The following MACROD1 variants were observed in gnomAD, a reference collection of about 807,000 sequenced individuals.
MACROD1 encodes mono-ADP ribosylhydrolase 1.
A neutral mutation model predicts 41.4 loss-of-function variants in MACROD1; 31 were observed. That is an observed-to-expected ratio of 0.75 (90% confidence interval 0.56 to 1.01). The LOEUF (loss-of-function observed/expected upper bound fraction) is 1.01, where lower values mean the gene tolerates loss of function less well. MACROD1 is among the 50% of genes least tolerant of loss of function. MACROD1 has a pLI of 0.00. For synonymous variants in MACROD1, 252 were observed against 203.4 expected, an observed-to-expected ratio of 1.24 and a Z score of -2.03; for missense variants, 473 against 460.0, an observed-to-expected ratio of 1.03 and a Z score of -0.26.
chr11:64,109,826 C>T (rs1944828190), intron 3 of MACROD1, among the ~76,000 whole-genome samples: 1 of 152,126 alleles, frequency 6.6e-6, no homozygotes, highest in Non-Finnish European at 1.5e-5. Flanking sequence ...CAGGGGGCAA[C>T]ACCTCAGCTT....
chr11:64,006,026 A>G (rs988284876), intron 4 of MACROD1, among the ~76,000 whole-genome samples: 2 of 152,228 alleles, frequency 1.3e-5, no homozygotes, highest in Admixed American at 6.5e-5. Flanking sequence ...GGGCTACAGA[A>G]ATACCAGATG....
chr11:64,117,767 G>C (rs1945018312), intron 3 of MACROD1: 2 of 1,614,022 alleles, frequency 1.2e-6, no homozygotes, highest in African/African-American at 1.3e-5. Flanking sequence ...TGGAGCCCAA[G>C]TCCACCTACA....
intron 3 of MACROD1, chr11:64,117,398 G>C (rs777020401): frequency 6.2e-7 from 1 of 1,612,274 alleles, no homozygotes; most frequent in South Asian, 1.1e-5. Flanking sequence ...AGATGGACGA[G>C]TGTTTTGAGA....
intron 3 of MACROD1, among the ~76,000 whole-genome samples, chr11:64,089,000 C>T (rs919582460): frequency 1.3e-5 from 2 of 152,140 alleles, no homozygotes; most frequent in African/African-American, 4.8e-5. Flanking sequence ...GAGAGAGCCA[C>T]CGAAGCCACT....
At chr11:64,039,731 C>T (rs1316607867) in intron 3 of MACROD1, among the ~76,000 whole-genome samples, 4 of 152,216 alleles carry the variant, frequency 2.6e-5, no homozygotes, top group Non-Finnish European at 5.9e-5. Flanking sequence ...TCGAGGCCCC[C>T]AGAGCACTGC....
rs144822061 is a variant in MACROD1 at position 64,146,965 on chromosome 11, C to T, written c.517+4274G>A. 1.3e-5 allele frequency among the ~76,000 whole-genome samples: 2 copies of T among 152,202 alleles called. No homozygotes were observed. Among genetic ancestry groups the T allele is most frequent in the African/African-American group, 4.8e-5 (2 of 41,446 alleles). On this transcript the variant is annotated intron_variant, in intron 3 of 10. Transcript: ENST00000255681. This position sits in a 1 kb window ranked among gnomAD's most constrained non-coding sequence, Gnocchi z 4.7. Reference sequence around the variant, plus strand: ...CTGACCTCACACACACACCATCACACACATCCCAATCACATCTCATAGCCC... The same window carrying T: ...CTGACCTCACACACACACCATCACATACATCCCAATCACATCTCATAGCCC...
At chr11:64,135,606 C>A (rs2134667456) in intron 3 of MACROD1, among the ~76,000 whole-genome samples, 1 of 152,352 alleles carries the variant, frequency 6.6e-6, no homozygotes, top group Non-Finnish European at 1.5e-5. Context: ...AAGGCAATAA[C>A]ATTTAGGGAG....
At chr11:64,134,251 C>A (rs1355795849) in intron 3 of MACROD1, among the ~76,000 whole-genome samples, 7 of 152,170 alleles carry the variant, frequency 4.6e-5, no homozygotes, top group Non-Finnish European at 8.8e-5. Flanking sequence ...TCCCCATGTC[C>A]ATCACAGTCA....
At chr11:64,016,693 C>T (rs1343709879) in intron 3 of MACROD1, among the ~76,000 whole-genome samples, 3 of 152,162 alleles carry the variant, frequency 2.0e-5, no homozygotes, top group East Asian at 1.9e-4. Flanking sequence ...ATGTTACTTG[C>T]GAGATTAATA....
At chr11:64,113,762 G>C (rs1461651621) in intron 3 of MACROD1, among the ~76,000 whole-genome samples, 1 of 145,080 alleles carries the variant, frequency 6.9e-6, no homozygotes, top group Non-Finnish European at 1.5e-5. Context: ...GGACGGACAG[G>C]TAAATGCATG....
chr11:64,131,776 C>A (rs1214059370), intron 3 of MACROD1, among the ~76,000 whole-genome samples: 1 of 152,162 alleles, frequency 6.6e-6, no homozygotes, highest in Non-Finnish European at 1.5e-5. Flanking sequence ...CAAATGGGAC[C>A]GAGAGCCCCC....
At chr11:64,028,656 C>A (rs1173338606) in intron 3 of MACROD1, among the ~76,000 whole-genome samples, 1 of 152,160 alleles carries the variant, frequency 6.6e-6, no homozygotes, top group African/African-American at 2.4e-5. Context: ...CGCCCCGCCC[C>A]CTGCCGCTGG....
intron 3 of MACROD1, among the ~76,000 whole-genome samples, chr11:64,094,164 G>A (rs1348440227): frequency 1.3e-5 from 2 of 152,246 alleles, no homozygotes; most frequent in African/African-American, 4.8e-5. Flanking sequence ...TGGGCGTGGT[G>A]GCTCACGCCT....
intron 3 of MACROD1, among the ~76,000 whole-genome samples, chr11:64,127,786 T>C (rs1301036518): frequency 2.0e-5 from 3 of 152,058 alleles, no homozygotes; most frequent in Non-Finnish European, 4.4e-5. Flanking sequence ...GTCCGGGTGT[T>C]TGGGGACATG....
At position 63,999,645 on chromosome 11, in the gene MACROD1, C is replaced by A. The variant is rs765810583; in HGVS notation, c.783G>T (p.Ser261=). 6.2e-7 allele frequency: 1 copy of A among 1,609,272 alleles called. No homozygotes were observed. Among genetic ancestry groups the A allele is most frequent in the Admixed American group, 1.7e-5 (1 of 59,764 alleles). The change falls in exon 6 of 11, where the codon TCG becomes TCT. Residue 261 remains serine, a synonymous_variant. Coordinates refer to ENST00000255681, the MANE Select transcript of MACROD1 (RefSeq NM_014067.4). ...LDLLLEHRLR[S]VAFPCISTGV... ...TCCCCCGCGGGCCGTCCCTCACCAC[C>A]GAGCGGAGCCGGTGCTCCAGCAGCA...
At chr11:64,129,858 A>G (rs1208788370) in intron 3 of MACROD1, among the ~76,000 whole-genome samples, 3 of 152,040 alleles carry the variant, frequency 2.0e-5, no homozygotes, top group Non-Finnish European at 4.4e-5. Context: ...GCCGCACAGG[A>G]GGGAATTGCC....
intron 4 of MACROD1, among the ~76,000 whole-genome samples, chr11:64,011,873 G>A (rs1219581781): frequency 1.3e-5 from 2 of 152,052 alleles, no homozygotes; most frequent in Non-Finnish European, 2.9e-5. Context: ...GCAGGTAGGC[G>A]ATTAGGACTG....
At chr11:64,019,598 C>T (rs972420464) in intron 3 of MACROD1, among the ~76,000 whole-genome samples, 1 of 152,218 alleles carries the variant, frequency 6.6e-6, no homozygotes, top group Non-Finnish European at 1.5e-5. Context: ...GCACCCGGCC[C>T]CTCCTCCATG....
intron 3 of MACROD1, among the ~76,000 whole-genome samples, chr11:64,050,721 C>T (rs748529944): frequency 5.9e-5 from 9 of 152,182 alleles, no homozygotes; most frequent in Non-Finnish European, 8.8e-5. Flanking sequence ...CGGGTTCAAG[C>T]GATTCTCCTG....
Sources: gnomAD v4.1 joint callset for allele counts (sites outside exome capture counted in the v4.1 genomes callset) on GRCh38, gnomAD v4.1.1 for gene constraint, Gnocchi (gnomAD v3.1) non-coding constraint, MANE v1.5 for transcripts, NCBI Gene and HGNC (gene_info 2026-07-23, HGNC 2026-07-21) for gene names.